Variants in PTPRM observed in about 807,000 individuals in gnomAD.
PTPRM encodes receptor-type tyrosine-protein phosphatase mu.
A neutral mutation model predicts 186.7 loss-of-function variants in PTPRM; 47 were observed. The ratio of observed to expected loss-of-function variants is 0.25; its 90% CI spans 0.20 to 0.32. The LOEUF (loss-of-function observed/expected upper bound fraction) is 0.32. PTPRM is among the 10% of genes least tolerant of loss of function. The probability of loss-of-function intolerance (pLI) is 1.00; values close to 1 mark genes in which losing one functional copy is unlikely to be tolerated. For missense variants in PTPRM, 1,494 were observed against 1,865.0 expected, an observed-to-expected ratio of 0.80 and a Z score of 3.66; for synonymous variants, 668 against 674.9, an observed-to-expected ratio of 0.99 and a Z score of 0.16.
intron 4 of PTPRM, among the ~76,000 whole-genome samples, chr18:7,910,451 C>T (rs2050202666): frequency 6.6e-6 from 1 of 152,218 alleles, no homozygotes; most frequent in Non-Finnish European, 1.5e-5. Flanking sequence ...GCAAGTGGCT[C>T]AAGATCCCCA....
In PTPRM at chr18:8,231,209, A is replaced by G. The variant is rs541265641; in HGVS notation, c.2301-12849A>G. The stretch of plus-strand genomic sequence containing the variant: ...GACATAACCTAGCATGGCAGGGTCT[A>G]TCACAGAGGGTGGGGGTAATCAGGC... On this transcript the variant is annotated intron_variant, in intron 14 of 32. Coordinates refer to ENST00000580170, the MANE Select transcript of PTPRM (RefSeq NM_001105244.2). Among the ~76,000 whole-genome samples the G allele has an allele frequency of 5.3e-5, 8 of 152,342 alleles. No individual in the cohort carries two copies. In the South Asian group the frequency reaches 1.2e-3, roughly 24 times the overall value.
At chr18:7,695,746 TA>T (rs1314996835) in intron 1 of PTPRM, among the ~76,000 whole-genome samples, 1 of 152,206 alleles carries the variant, frequency 6.6e-6, no homozygotes, top group African/African-American at 2.4e-5. Context: ...GGCTGCATAT[TA>T]AGGTAGTTCG....
At chr18:7,670,036 G>A (rs888592226) in intron 1 of PTPRM, among the ~76,000 whole-genome samples, 1 of 152,072 alleles carries the variant, frequency 6.6e-6, no homozygotes, top group African/African-American at 2.4e-5. Flanking sequence ...GAGCCACCAT[G>A]CCTGGCCAGC....
Position 7,687,557 on chromosome 18 carries a change from T to C in PTPRM, c.74-86592T>C, listed in dbSNP as rs1192346836. ...TTGCTTTAGGAAACCTTCCTGATGA[T>C]AATTTTATTCACTAGAATAATTTAA... On this transcript the variant is annotated intron_variant, in intron 1 of 32. Coordinates refer to ENST00000580170, the MANE Select transcript of PTPRM (RefSeq NM_001105244.2). 3.3e-5 allele frequency among the ~76,000 whole-genome samples: 5 copies of C among 152,204 alleles called. No homozygotes were observed. The East Asian group carries it at 9.6e-4, about 29-fold the overall frequency.
chr18:7,852,767 G>A lies in PTPRM; in HGVS notation c.197-35339G>A, dbSNP rs117299736. Reference sequence around the variant, plus strand: ...GCTACTCAGAATGCAGAGGTGGGAGGATTGCTTGAGCCCATAAGCCTGGGA... The same window carrying A: ...GCTACTCAGAATGCAGAGGTGGGAGAATTGCTTGAGCCCATAAGCCTGGGA... On this transcript the variant is annotated intron_variant, in intron 2 of 32. Coordinates refer to ENST00000580170, the MANE Select transcript of PTPRM (RefSeq NM_001105244.2). Among the ~76,000 whole-genome samples, 942 of 152,220 alleles carry A rather than the reference G, an allele frequency of 6.2e-3. 6 individuals carry two copies. Among genetic ancestry groups the A allele is most frequent in the Non-Finnish European group, 9.5e-3 (648 of 68,002 alleles).
intron 7 of PTPRM, among the ~76,000 whole-genome samples, chr18:8,067,875 T>G (rs902186226): frequency 6.6e-6 from 1 of 152,254 alleles, no homozygotes; most frequent in African/African-American, 2.4e-5. Flanking sequence ...CTCTCAGCAC[T>G]TTTGTCTCAA....
At chr18:8,265,907 A>G (rs992287214) in intron 19 of PTPRM, among the ~76,000 whole-genome samples, 4 of 152,054 alleles carry the variant, frequency 2.6e-5, no homozygotes, top group African/African-American at 9.7e-5. Context: ...GCGTATTCTC[A>G]TGGATGGAAT....
intron 22 of PTPRM, among the ~76,000 whole-genome samples, chr18:8,331,538 C>A (rs1453970058): frequency 1.3e-5 from 2 of 152,198 alleles, no homozygotes; most frequent in Admixed American, 1.3e-4. Flanking sequence ...AGTAACCTCT[C>A]AATAGATATT....
intron 7 of PTPRM, among the ~76,000 whole-genome samples, chr18:8,051,615 A>G (rs1261949122): frequency 6.6e-6 from 1 of 151,884 alleles, no homozygotes; most frequent in Non-Finnish European, 1.5e-5. Flanking sequence ...GTCCTGTGGG[A>G]CTTGTTTTTT....
intron 23 of PTPRM, among the ~76,000 whole-genome samples, chr18:8,348,016 T>C (rs1019463237): frequency 2.6e-5 from 4 of 152,254 alleles, no homozygotes; most frequent in African/African-American, 9.6e-5. Flanking sequence ...TGTTCCAGGC[T>C]GTTTCCCATT....
chr18:7,871,157 C>T (rs2047965665), intron 2 of PTPRM, among the ~76,000 whole-genome samples: 1 of 152,196 alleles, frequency 6.6e-6, no homozygotes, highest in African/African-American at 2.4e-5. Context: ...GCTGTTCCTC[C>T]TGTGGTTAAA....
At chr18:7,811,523 CATTTTTTT>C (rs982839165) in intron 2 of PTPRM, among the ~76,000 whole-genome samples, 1 of 152,102 alleles carries the variant, frequency 6.6e-6, no homozygotes, top group African/African-American at 2.4e-5. Context: ...AAGCCGAGTT[CATTTTTTT>C]ATTTTTTTAT....
intron 13 of PTPRM, among the ~76,000 whole-genome samples, chr18:8,128,199 A>G (rs569686841): frequency 6.6e-6 from 1 of 152,332 alleles, no homozygotes; most frequent in South Asian, 2.1e-4. Context: ...CAACTGATTG[A>G]AAGTAGTGGC....
chr18:8,024,590 A>G lies in PTPRM; in HGVS notation c.1133-45096A>G, dbSNP rs76628601. The stretch of plus-strand genomic sequence containing the variant: ...CTTATAGGTGACCATTTTGCACTTC[A>G]GAGCCTTAAATTGTCCATGTTTCTG... On this transcript the variant is annotated intron_variant, in intron 7 of 32. Transcript: ENST00000580170. Among the ~76,000 whole-genome samples the G allele has an allele frequency of 8.7e-3, 1,325 of 152,078 alleles. 17 individuals carry two copies. Among genetic ancestry groups the G allele is most frequent in the Middle Eastern group, 0.014 (4 of 294 alleles).
intron 20 of PTPRM, among the ~76,000 whole-genome samples, chr18:8,296,779 A>C (rs1568689049): frequency 6.6e-6 from 1 of 152,196 alleles, no homozygotes; most frequent in Admixed American, 6.5e-5. Context: ...GTGAGAATGA[A>C]TGGAAATAAT....
intron 1 of PTPRM, among the ~76,000 whole-genome samples, chr18:7,710,904 A>G (rs142566365): frequency 6.6e-6 from 1 of 152,314 alleles, no homozygotes; most frequent in Non-Finnish European, 1.5e-5. Flanking sequence ...ATTATAAGTG[A>G]CACAAACAAA....
intron 13 of PTPRM, among the ~76,000 whole-genome samples, chr18:8,142,578 G>A (rs2092790046): frequency 6.6e-6 from 1 of 152,196 alleles, no homozygotes; most frequent in South Asian, 2.1e-4. Flanking sequence ...CGTGAGTCAG[G>A]TGACGTAGGA....
intron 4 of PTPRM, among the ~76,000 whole-genome samples, chr18:7,911,974 T>C (rs1289554024): frequency 6.7e-6 from 1 of 148,946 alleles, no homozygotes; most frequent in East Asian, 2.1e-4. Flanking sequence ...TGCCTCAGCC[T>C]CCTGAGTAGC....
At chr18:7,916,680 A>G (rs552805583) in intron 4 of PTPRM, among the ~76,000 whole-genome samples, 2 of 152,334 alleles carry the variant, frequency 1.3e-5, no homozygotes, top group African/African-American at 4.8e-5. Context: ...ATAATTGTAC[A>G]TACCTATGAG....
Sources: gnomAD v4.1 joint callset for allele counts (sites outside exome capture counted in the v4.1 genomes callset) on GRCh38, gnomAD v4.1.1 for gene constraint, MANE v1.5 for transcripts, NCBI Gene and HGNC (gene_info 2026-07-23, HGNC 2026-07-21) for gene names.